The following CACNA1E variants were observed in gnomAD, a reference collection of about 807,000 sequenced individuals.
CACNA1E encodes voltage-dependent R-type calcium channel subunit alpha-1E.
Under a neutral mutation model 259.2 loss-of-function variants are expected in CACNA1E, and 40 were observed. The ratio of observed to expected loss-of-function variants is 0.15; its 90% CI spans 0.12 to 0.20. CACNA1E has a LOEUF of 0.20. Ranked by LOEUF, CACNA1E falls within the 10% of genes least tolerant of loss-of-function variation. The pLI, the probability that CACNA1E is intolerant of heterozygous loss-of-function variation, is 1.00. For synonymous variants in CACNA1E, 1,104 were observed against 1,138.5 expected (o/e 0.97, Z 0.61); for missense variants, 1,874 against 3,040.1 (o/e 0.62, Z 9.02).
chr1:181,771,186 G>A (rs1011739230), intron 35 of CACNA1E, 107 bp from the exon 36 acceptor site: 8 of 650,750 alleles, frequency 1.2e-5, no homozygotes, highest in Non-Finnish European at 2.0e-5. Context: ...TGCTTCAGGG[G>A]TAGGTCATCG....
intron 1 of CACNA1E, among the ~76,000 whole-genome samples, chr1:181,334,270 A>G (rs1429864730): frequency 1.3e-5 from 2 of 152,160 alleles, no homozygotes; most frequent in African/African-American, 4.8e-5. Flanking sequence ...ATTTTCTGTC[A>G]TCAACCAGCT....
intron 2 of CACNA1E, among the ~76,000 whole-genome samples, chr1:181,445,357 G>A (rs1296852898): frequency 6.6e-6 from 1 of 152,158 alleles, no homozygotes; most frequent in East Asian, 1.9e-4. Context: ...CCTCTTCTGT[G>A]TTTAGCATGA....
intron 6 of CACNA1E, among the ~76,000 whole-genome samples, chr1:181,637,958 A>G (rs920624181): frequency 1.3e-5 from 2 of 152,216 alleles, no homozygotes; most frequent in Admixed American, 6.5e-5. Flanking sequence ...GTGACTTGGT[A>G]TACAGGTAGG....
intron 1 of CACNA1E, among the ~76,000 whole-genome samples, chr1:181,498,540 C>T (rs774060486): frequency 2.6e-5 from 4 of 152,162 alleles, no homozygotes; most frequent in Non-Finnish European, 5.9e-5. Flanking sequence ...CCAAAAATGG[C>T]TTCTCTCAGT....
Position 181,593,171 on chromosome 1 carries a change from T to C in CACNA1E, c.951+12395T>C, listed in dbSNP as rs76876614. ...AAAAAGACGTTCAGCCCTCACTATA[T>C]GAGTGTACTATTTTTATGACTTTTT... On this transcript the variant is annotated intron_variant, in intron 6 of 47. Coordinates refer to ENST00000367573, the MANE Select transcript of CACNA1E (RefSeq NM_001205293.3). 4.1e-3 allele frequency among the ~76,000 whole-genome samples: 618 copies of C among 152,228 alleles called. 3 individuals carry two copies. Among genetic ancestry groups the C allele is most frequent in the African/African-American group, 0.014 (597 of 41,470 alleles).
intron 38 of CACNA1E, among the ~76,000 whole-genome samples, chr1:181,780,280 A>G (rs781277437): frequency 1.3e-5 from 2 of 152,160 alleles, no homozygotes; most frequent in Non-Finnish European, 2.9e-5. Context: ...GAGCTGTCAT[A>G]ATTTCCAAGT....
At chr1:181,655,932 G>A (rs908551597) in intron 7 of CACNA1E, among the ~76,000 whole-genome samples, 2 of 152,190 alleles carry the variant, frequency 1.3e-5, no homozygotes, top group Non-Finnish European at 2.9e-5. Flanking sequence ...TGGTCCCACA[G>A]GATTTAGTGG....
At chr1:181,577,913 A>C (rs773431139) in intron 4 of CACNA1E, 44 bp downstream of exon 4, 3 of 1,279,356 alleles carry the variant, frequency 2.3e-6, no homozygotes, top group Non-Finnish European at 3.4e-6. Context: ...AACTTTCTTC[A>C]TGTGTCCTCA....
At chr1:181,548,282 C>CAA (rs532484932) in intron 3 of CACNA1E, among the ~76,000 whole-genome samples, 114 of 151,934 alleles carry the variant, frequency 7.5e-4, no homozygotes, top group Non-Finnish European at 1.3e-3. Flanking sequence ...GTGCCACTAC[C>CAA]ACCCAGCTAA....
Position 181,651,320 on chromosome 1 carries a change from C to T in CACNA1E, c.952-18C>T. On this transcript the variant is annotated intron_variant, in intron 6 of 47. Transcript: ENST00000367573. ...AAGATGGCTTTAAGTATTAAGGAAC[C>T]ATTTTTCTTTCTTTCAGACCAATGA... The T allele has an allele frequency of 6.5e-7, 1 of 1,535,902 alleles. No homozygotes were observed. Among genetic ancestry groups the T allele is most frequent in the Non-Finnish European group, 9.0e-7 (1 of 1,110,002 alleles).
intron 1 of CACNA1E, among the ~76,000 whole-genome samples, chr1:181,332,239 A>T (rs915638489): frequency 6.6e-6 from 1 of 152,186 alleles, no homozygotes; most frequent in Non-Finnish European, 1.5e-5. Flanking sequence ...GAGAAGGGAG[A>T]GCATCAGGAA....
At chr1:181,719,884 C>A in intron 13 of CACNA1E, 21 bp downstream of exon 13, 1 of 1,366,904 alleles carries the variant, frequency 7.3e-7, no homozygotes. Context: ...AGAATTTGGA[C>A]TTTTCCCAAT....
intron 6 of CACNA1E, among the ~76,000 whole-genome samples, chr1:181,644,573 T>G (rs1320393448): frequency 6.6e-6 from 1 of 152,184 alleles, no homozygotes; most frequent in Non-Finnish European, 1.5e-5. Context: ...CTGGTGTGAC[T>G]CAGGGGAGGG....
At chr1:181,319,038 C>T (rs1482063596) in intron 1 of CACNA1E, among the ~76,000 whole-genome samples, 1 of 152,166 alleles carries the variant, frequency 6.6e-6, no homozygotes, top group East Asian at 1.9e-4. Context: ...CTTGAGATCG[C>T]GGCTTCCTCC....
intron 1 of CACNA1E, among the ~76,000 whole-genome samples, chr1:181,389,470 C>T (rs111602696): frequency 0.021 from 3,140 of 152,254 alleles, 125 homozygotes; most frequent in African/African-American, 0.069. Context: ...TACAAATCAA[C>T]GTTAGTGACT....
chr1:181,585,841 A>T (rs2103001195), intron 6 of CACNA1E, among the ~76,000 whole-genome samples: 1 of 152,244 alleles, frequency 6.6e-6, no homozygotes, highest in African/African-American at 2.4e-5. Flanking sequence ...AAAGTAGGAG[A>T]TGGAATAGTC....
intron 1 of CACNA1E, among the ~76,000 whole-genome samples, chr1:181,393,473 T>A (rs74711918): frequency 2.0e-5 from 3 of 152,238 alleles, no homozygotes; most frequent in African/African-American, 7.2e-5. Context: ...TTCTTTTTTT[T>A]CTGAAACAGG....
At chr1:181,684,876 C>CCT (rs1650349562) in intron 7 of CACNA1E, among the ~76,000 whole-genome samples, 1 of 135,154 alleles carries the variant, frequency 7.4e-6, no homozygotes, top group African/African-American at 2.8e-5. Flanking sequence ...TTTTTAAATC[C>CCT]TTTTTTTTTT....
intron 1 of CACNA1E, among the ~76,000 whole-genome samples, chr1:181,376,493 T>C (rs1655112379): frequency 6.6e-6 from 1 of 152,216 alleles, no homozygotes; most frequent in African/African-American, 2.4e-5. Context: ...TCCCTGAGTC[T>C]CTAAGAGATA....
Sources: gnomAD v4.1 joint callset for allele counts (sites outside exome capture counted in the v4.1 genomes callset) on GRCh38, gnomAD v4.1.1 for gene constraint, MANE v1.5 for transcripts, NCBI Gene and HGNC (gene_info 2026-07-23, HGNC 2026-07-21) for gene names.